CCDC146: variants seen among roughly 807,000 people sequenced by gnomAD.
CCDC146 encodes the protein coiled-coil domain containing 146, also known as coiled-coil domain-containing protein 146.
In CCDC146, 92 loss-of-function variants were observed where a neutral mutation model predicts 119.3. The ratio of observed to expected loss-of-function variants is 0.77; its 90% confidence interval spans 0.65 to 0.92. CCDC146 has a LOEUF of 0.92. Ranked by LOEUF, CCDC146 falls within the 40% of genes least tolerant of loss-of-function variation. CCDC146 has a pLI of 0.00. For synonymous variants in CCDC146, 372 were observed against 371.8 expected (o/e 1.00, Z -0.01); for missense variants, 1,000 against 1,103.0 (o/e 0.91, Z 1.32).
chr7:77,191,935 C>G (rs1166292758), intron 2 of CCDC146, among the ~76,000 whole-genome samples: 2 of 151,366 alleles, frequency 1.3e-5, no homozygotes, highest in Non-Finnish European at 3.0e-5. Context: ...ATAATAACTA[C>G]TTAGGATGAT....
chr7:77,266,549 C>A lies in CCDC146; in HGVS notation c.1173+4242C>A, dbSNP rs192336236. On this transcript the variant is annotated intron_variant, in intron 9 of 18. Coordinates refer to ENST00000285871, the MANE Select transcript of CCDC146 (RefSeq NM_020879.3). The stretch of plus-strand genomic sequence containing the variant: ...TACTCAGTAAATATTGCCTTCCTTC[C>A]TTTATACATATGAACTCTTTGAAAG... Among the ~76,000 whole-genome samples, 15 of 152,242 alleles carry A rather than the reference C, an allele frequency of 9.9e-5. No homozygotes were observed. The East Asian group carries it at 2.9e-3, about 29-fold the overall frequency.
chr7:77,205,841 T>G (rs888493525), intron 2 of CCDC146, among the ~76,000 whole-genome samples: 3 of 152,196 alleles, frequency 2.0e-5, no homozygotes, highest in Admixed American at 6.5e-5. Flanking sequence ...TTTTATTATT[T>G]CTTAAAATGT....
chr7:77,233,430 C>G (rs1037556264), intron 2 of CCDC146, among the ~76,000 whole-genome samples: 2 of 152,094 alleles, frequency 1.3e-5, no homozygotes, highest in Admixed American at 6.6e-5. Flanking sequence ...TCATCAAACT[C>G]TTCATCCCAC....
intron 1 of CCDC146, among the ~76,000 whole-genome samples, chr7:77,139,468 A>G (rs927799708): frequency 3.3e-5 from 5 of 152,216 alleles, no homozygotes; most frequent in Non-Finnish European, 7.3e-5. Context: ...TTGTTCAGAT[A>G]CCTAGAATGT....
chr7:77,278,867 T>A (rs1229725684), intron 12 of CCDC146, 27 bp downstream of exon 12: 1 of 1,597,802 alleles, frequency 6.3e-7, no homozygotes, highest in Admixed American at 1.7e-5. Flanking sequence ...GTGTTTTATC[T>A]ACGTAGGTGA....
rs763351576 is a variant in CCDC146, at chr7:77,280,492, C to T, written c.1758C>T (p.Asn586=). The change falls in exon 14 of 19, where the codon AAC becomes AAT. Residue 586 remains asparagine, a synonymous_variant. Transcript: ENST00000285871. The part of the protein sequence containing the change: ...NNVTIRESMQ[N]DVRKIVSKLQ... ...TTACCATCAGAGAGAGCATGCAAAA[C>T]GATGTGCGCAAAATTGTATCAAAAC... The T allele has an allele frequency of 1.1e-5, 18 of 1,613,966 alleles. No homozygotes were observed. The highest frequency in any genetic ancestry group is 6.7e-5 in the East Asian group (3 of 44,876).
chr7:77,268,965 C>T (rs992963633), intron 9 of CCDC146, among the ~76,000 whole-genome samples: 1 of 152,088 alleles, frequency 6.6e-6, no homozygotes, highest in African/African-American at 2.4e-5. Context: ...AATGATGTTC[C>T]CATTGTATCC....
intron 2 of CCDC146, among the ~76,000 whole-genome samples, chr7:77,203,027 A>C (rs1792020380): frequency 1.6e-5 from 1 of 63,270 alleles, no homozygotes; most frequent in Non-Finnish European, 3.0e-5. Context: ...AAAATAAAAT[A>C]CTTGCCCCCC....
chr7:77,196,613 C>T lies in CCDC146; in HGVS notation c.156+28789C>T, dbSNP rs767324365. The stretch of plus-strand genomic sequence containing the variant: ...GCCATTATAGTTACCAACGTGTAAA[C>T]GATATTTGAGAAACTCATTAGCCAC... On this transcript the variant is annotated intron_variant, in intron 2 of 18. Transcript: ENST00000285871. The surrounding 1 kb of genome is among the most constrained non-coding windows in gnomAD (Gnocchi z 4.2). The T allele has an allele frequency of 1.4e-5, 23 of 1,613,882 alleles. No homozygotes were observed. The highest frequency in any genetic ancestry group is 3.3e-5 in the Admixed American group (2 of 59,988).
intron 4 of CCDC146, among the ~76,000 whole-genome samples, chr7:77,250,087 A>G (rs992234345): frequency 4.6e-5 from 7 of 152,236 alleles, no homozygotes; most frequent in Non-Finnish European, 7.3e-5. Context: ...AAGTAACAAA[A>G]TAGTCCTATT....
chr7:77,251,375 C>A (rs1584111868), intron 4 of CCDC146, among the ~76,000 whole-genome samples: 1 of 152,144 alleles, frequency 6.6e-6, no homozygotes, highest in South Asian at 2.1e-4. Context: ...CTTAAACTGC[C>A]CATTTCGGGA....
chr7:77,219,100 T>C (rs1792352784), intron 2 of CCDC146, among the ~76,000 whole-genome samples: 1 of 152,196 alleles, frequency 6.6e-6, no homozygotes, highest in Non-Finnish European at 1.5e-5. Context: ...TATATATCCT[T>C]AAACTGTTAT....
In CCDC146 at chr7:77,262,133, T is replaced by G; in HGVS notation, c.999T>G (p.Asp333Glu). Reference protein sequence around the residue: ...ATSLTERGILDLNLRNSLIDK... With the variant: ...ATSLTERGILELNLRNSLIDK... ...TTACCTGGAACAGAGGGATCTTGGA[T>G]CTCAATTTACGCAACAGTCTCATTG... Residue 333 changes from aspartate (D) to glutamate (E), a missense_variant, in exon 9 of 19, where the codon GAT becomes GAG. Asp to Glu is a conservative substitution (Grantham distance 45, BLOSUM62 2). This residue lies in a region of CCDC146 where 985 missense variants were observed against 1,045.3 expected (regional missense o/e 0.94). Coordinates refer to ENST00000285871, the MANE Select transcript of CCDC146 (RefSeq NM_020879.3). 1.2e-6 allele frequency: 2 copies of G among 1,602,220 alleles called. No homozygotes were observed. The highest frequency in any genetic ancestry group is 1.3e-5 in the African/African-American group (1 of 74,420).
intron 2 of CCDC146, among the ~76,000 whole-genome samples, chr7:77,216,166 C>A (rs1368536405): frequency 6.6e-6 from 1 of 151,690 alleles, no homozygotes. Flanking sequence ...TTATATAATG[C>A]CTTTGTCCCC....
chr7:77,278,308 G>C (rs1314732817), intron 11 of CCDC146, among the ~76,000 whole-genome samples: 1 of 151,944 alleles, frequency 6.6e-6, no homozygotes, highest in East Asian at 1.9e-4. Context: ...TCTCTCGTTT[G>C]TTCTCTTCTT....
chr7:77,136,312 A>T (rs1790859617), intron 1 of CCDC146, among the ~76,000 whole-genome samples: 1 of 152,220 alleles, frequency 6.6e-6, no homozygotes, highest in Non-Finnish European at 1.5e-5. Context: ...AAAACAGGGA[A>T]TCAGTAAAGA....
chr7:77,294,678 G>C lies in CCDC146; in HGVS notation c.2680G>C (p.Asp894His), dbSNP rs751503818. The C allele has an allele frequency of 1.2e-6, 2 of 1,614,070 alleles. No individual in the cohort carries two copies. The highest frequency in any genetic ancestry group is 1.7e-6 in the Non-Finnish European group (2 of 1,180,032). ...AEKSQEFLEA[D>H]NRQLPNGVYT... ...TTCTTTGCAGGAGTTCTTGGAAGCA[G>C]ATAATCGCCAGCTGCCCAATGGTGT... Residue 894 changes from aspartate to histidine, a missense_variant, in exon 19 of 19, where the codon GAT (aspartate) becomes CAT (histidine). Asp to His is a moderately conservative substitution (Grantham distance 81). Coordinates refer to ENST00000285871, the MANE Select transcript of CCDC146 (RefSeq NM_020879.3).
At chr7:77,263,790 G>T (rs1793348782) in intron 9 of CCDC146, among the ~76,000 whole-genome samples, 1 of 152,122 alleles carries the variant, frequency 6.6e-6, no homozygotes, top group African/African-American at 2.4e-5. Flanking sequence ...CGGGTGTGCT[G>T]GTGCACACCC....
intron 16 of CCDC146, 96 bp from the exon 17 acceptor site, chr7:77,287,344 G>GT: frequency 7.7e-7 from 1 of 1,299,088 alleles, no homozygotes; most frequent in South Asian, 1.3e-5. Flanking sequence ...GAGGTATTTT[G>GT]TGGGGGGTAG....
Sources: allele counts gnomAD v4.1 joint callset (sites outside exome capture counted in the v4.1 genomes callset), GRCh38; gene constraint gnomAD v4.1.1; regional missense constraint gnomAD v4.1.1; non-coding constraint Gnocchi (gnomAD v3.1); transcripts MANE v1.5; gene names NCBI Gene and HGNC (gene_info 2026-07-23, HGNC 2026-07-21).